COL22A1: variants seen among roughly 807,000 people sequenced by gnomAD.
COL22A1 encodes the protein collagen type XXII alpha 1 chain.
Under a neutral mutation model 248.9 loss-of-function variants are expected in COL22A1, and 221 were observed. The ratio of observed to expected loss-of-function variants is 0.89; its 90% CI spans 0.80 to 0.99. The LOEUF is 0.99. Ranked by LOEUF, COL22A1 falls within the 50% of genes least tolerant of loss-of-function variation. The probability of loss-of-function intolerance (pLI) is 0.00; values close to 1 mark genes in which losing one functional copy is unlikely to be tolerated. For missense variants in COL22A1, 2,240 were observed against 2,179.0 expected (o/e 1.03, Z -0.56); for synonymous variants, 891 against 793.4 (o/e 1.12, Z -2.07).
In COL22A1 at chr8:138,762,420, C is replaced by T. The variant is rs757243490; in HGVS notation, c.1850G>A (p.Gly617Glu). 1 of 1,614,118 alleles carries T rather than the reference C, an allele frequency of 6.2e-7. No individual in the cohort carries two copies. Among genetic ancestry groups the T allele is most frequent in the Non-Finnish European group, 8.5e-7 (1 of 1,179,992 alleles). The change falls in exon 17 of 65, where the codon GGA becomes GAA. Residue 617 changes from glycine to glutamate, a missense_variant. Coordinates refer to ENST00000303045, the MANE Select transcript of COL22A1 (RefSeq NM_152888.3). Reference protein sequence around the residue: ...DGFPGKPGDTGQQGRPGPSGV... With the variant: ...DGFPGKPGDTEQQGRPGPSGV... ...GCGCCAGCACCCACCTACCTGCTGTCCTGTGTCCCCAGGCTTCCCAGGGAA... is the reference window on the plus strand; with the variant it reads ...GCGCCAGCACCCACCTACCTGCTGTTCTGTGTCCCCAGGCTTCCCAGGGAA...
At chr8:138,842,273 C>T (rs1026789556) in intron 4 of COL22A1, among the ~76,000 whole-genome samples, 9 of 152,142 alleles carry the variant, frequency 5.9e-5, no homozygotes, top group African/African-American at 1.9e-4. Context: ...CGTGCAAACC[C>T]TTTGGCACAC....
intron 30 of COL22A1, among the ~76,000 whole-genome samples, chr8:138,711,225 A>G (rs1033259861): frequency 2.0e-5 from 3 of 152,190 alleles, no homozygotes; most frequent in Non-Finnish European, 2.9e-5. Flanking sequence ...CAGGAGCATC[A>G]CACACACCCT....
chr8:138,608,630 G>A (rs754346961), intron 56 of COL22A1, among the ~76,000 whole-genome samples: 10 of 152,254 alleles, frequency 6.6e-5, no homozygotes, highest in Non-Finnish European at 1.3e-4. Flanking sequence ...TAGTTTCGGT[G>A]AATACATTTA....
rs142623776 is a variant in COL22A1, at chr8:138,753,213, C to T, written c.2032-1702G>A. The stretch of plus-strand genomic sequence containing the variant: ...TCACTTTACTGGCCCTCTTGAACAC[C>T]TGCCGCAGGGCTAGCTCTACAAGCG... On this transcript the variant is annotated intron_variant, in intron 21 of 64. Transcript: ENST00000303045. Among the ~76,000 whole-genome samples, 957 of 152,308 alleles carry T rather than the reference C, an allele frequency of 6.3e-3. 8 individuals carry two copies. The highest frequency in any genetic ancestry group is 9.6e-3 in the Non-Finnish European group (653 of 68,028).
chr8:138,692,462 C>CAT (rs1827158092), intron 35 of COL22A1, among the ~76,000 whole-genome samples: 1 of 46,212 alleles, frequency 2.2e-5, no homozygotes, highest in African/African-American at 8.3e-5. Flanking sequence ...TGTGTGAGTG[C>CAT]ATGTGTGTGT....
chr8:138,866,126 C>T lies in COL22A1; in HGVS notation c.658+11624G>A, dbSNP rs16893544. On this transcript the variant is annotated intron_variant, in intron 3 of 64. Transcript: ENST00000303045. The stretch of plus-strand genomic sequence containing the variant: ...ACAGGACACATAGCTTACAGCAAAA[C>T]AAGTCACCTAAAACATGCAGCTTTG... Among the ~76,000 whole-genome samples the T allele has an allele frequency of 4.6e-3, 700 of 152,260 alleles. 5 individuals are homozygous for T. The highest frequency in any genetic ancestry group is 0.015 in the African/African-American group (619 of 41,542).
chr8:138,668,809 T>A (rs899706726), intron 41 of COL22A1, among the ~76,000 whole-genome samples: 5 of 152,210 alleles, frequency 3.3e-5, no homozygotes, highest in Non-Finnish European at 7.3e-5. Flanking sequence ...TTGTAATGAT[T>A]GATCAGGTTC....
intron 1 of COL22A1, among the ~76,000 whole-genome samples, chr8:138,888,361 C>T (rs1824819255): frequency 6.6e-6 from 1 of 152,136 alleles, no homozygotes; most frequent in Admixed American, 6.5e-5. Flanking sequence ...TCCCAGCTTC[C>T]TTCCAAGGTG....
At chr8:138,872,835 T>A (rs1032122986) in intron 3 of COL22A1, among the ~76,000 whole-genome samples, 2 of 152,226 alleles carry the variant, frequency 1.3e-5, no homozygotes, top group Non-Finnish European at 2.9e-5. Context: ...AGGTCAGATA[T>A]GATGCCTGAA....
chr8:138,705,134 A>C (rs889907236), intron 30 of COL22A1, among the ~76,000 whole-genome samples: 1 of 151,820 alleles, frequency 6.6e-6, no homozygotes, highest in African/African-American at 2.4e-5. Context: ...GGACTATGTG[A>C]AAAGACCAAA....
intron 10 of COL22A1, among the ~76,000 whole-genome samples, chr8:138,807,190 C>T (rs1817803600): frequency 6.6e-6 from 1 of 152,014 alleles, no homozygotes; most frequent in South Asian, 2.1e-4. Context: ...GAGGGAGAGG[C>T]CCAGCTGTCT....
intron 16 of COL22A1, among the ~76,000 whole-genome samples, chr8:138,770,607 C>T (rs1746259940): frequency 6.6e-6 from 1 of 152,220 alleles, no homozygotes; most frequent in South Asian, 2.1e-4. Flanking sequence ...GCTGGAAGGG[C>T]TTTTTCCAAG....
At chr8:138,828,273 T>A (rs1398883513) in intron 5 of COL22A1, among the ~76,000 whole-genome samples, 1 of 151,998 alleles carries the variant, frequency 6.6e-6, no homozygotes, top group Non-Finnish European at 1.5e-5. Context: ...ACAACACATA[T>A]GTGGGAGCTG....
In COL22A1 at chr8:138,646,627, A is replaced by T; in HGVS notation, c.3501+2T>A. The T allele has an allele frequency of 6.3e-7, 1 of 1,580,332 alleles. No individual in the cohort carries two copies. The highest frequency in any genetic ancestry group is 1.2e-5 in the South Asian group (1 of 85,350). On this transcript the variant is annotated splice_donor_variant, in intron 47 of 64. Coordinates refer to ENST00000303045, the MANE Select transcript of COL22A1 (RefSeq NM_152888.3). LOFTEE classifies it high-confidence loss of function. ...TGCAGATGGTTATGAAGTCTCACTG[A>T]CCTGTGGTCCAGCTATTCCTGGGGG...
chr8:138,761,987 C>T lies in COL22A1; in HGVS notation c.1857+426G>A, dbSNP rs918806076. On this transcript the variant is annotated intron_variant, in intron 17 of 64. Coordinates refer to ENST00000303045, the MANE Select transcript of COL22A1 (RefSeq NM_152888.3). The stretch of plus-strand genomic sequence containing the variant: ...CCTCACATCAGTGCATCCAGAGTTT[C>T]TTCATGAATGTCCTCAGCCTCATAG... 4.6e-5 allele frequency among the ~76,000 whole-genome samples: 7 copies of T among 152,206 alleles called. No homozygotes were observed. In the South Asian group the frequency reaches 1.5e-3, roughly 32 times the overall value.
intron 3 of COL22A1, among the ~76,000 whole-genome samples, chr8:138,870,127 T>C (rs1823210500): frequency 6.6e-6 from 1 of 151,328 alleles, no homozygotes; most frequent in Non-Finnish European, 1.5e-5. Context: ...TCTGTGTTTG[T>C]GTGGAGGGTC....
intron 17 of COL22A1, among the ~76,000 whole-genome samples, chr8:138,761,536 T>C (rs535081814): frequency 6.6e-6 from 1 of 151,896 alleles, no homozygotes; most frequent in Admixed American, 6.6e-5. Context: ...ATTAATATAG[T>C]ATATTAGAAT....
intron 47 of COL22A1, among the ~76,000 whole-genome samples, chr8:138,644,568 C>T (rs1321897920): frequency 2.0e-5 from 3 of 152,024 alleles, no homozygotes; most frequent in Non-Finnish European, 4.4e-5. Context: ...CCAGTTTTGG[C>T]CAACTCACAG....
Position 138,844,157 on chromosome 8 carries a change from A to G in COL22A1, c.660T>C (p.Asn220=). 1 of 1,614,114 alleles carries G rather than the reference A, an allele frequency of 6.2e-7. No individual in the cohort carries two copies. Among genetic ancestry groups the G allele is most frequent in the Non-Finnish European group, 8.5e-7 (1 of 1,179,936 alleles). ...RGKLRRRLCE[N]VLCPSVRVEG... ...CTACACGAACGCTAGGACAGAGCACATCTGAGGAAAGCAAGAGGAAACAGA... is the reference window on the plus strand; with the variant it reads ...CTACACGAACGCTAGGACAGAGCACGTCTGAGGAAAGCAAGAGGAAACAGA... The change falls in exon 4 of 65, where the codon AAT becomes AAC. Residue 220 remains asparagine, a splice_region_variant and synonymous_variant. Coordinates refer to ENST00000303045, the MANE Select transcript of COL22A1 (RefSeq NM_152888.3).
Sources: allele counts gnomAD v4.1 joint callset (sites outside exome capture counted in the v4.1 genomes callset), GRCh38; gene constraint gnomAD v4.1.1; transcripts MANE v1.5; gene names NCBI Gene and HGNC (gene_info 2026-07-23, HGNC 2026-07-21).